Variants in ITGBL1 observed in about 807,000 individuals in gnomAD.
ITGBL1 encodes integrin beta-like protein 1.
Under a neutral mutation model 68.5 loss-of-function variants are expected in ITGBL1, and 51 were observed. That is an observed-to-expected ratio of 0.74 (90% CI 0.59 to 0.94). ITGBL1 has a LOEUF of 0.94. ITGBL1 is among the 40% of genes least tolerant of loss of function. The probability of loss-of-function intolerance (pLI) is 0.00; values close to 1 mark genes in which losing one functional copy is unlikely to be tolerated. For synonymous variants in ITGBL1, 209 were observed against 227.3 expected, an observed-to-expected ratio of 0.92 and a Z score of 0.72; for missense variants, 649 against 647.4, an observed-to-expected ratio of 1.00 and a Z score of -0.03.
chr13:101,685,435 T>C (rs1224674258), intron 7 of ITGBL1, among the ~76,000 whole-genome samples: 1 of 152,082 alleles, frequency 6.6e-6, no homozygotes, highest in East Asian at 1.9e-4. Context: ...GCATTTGTAA[T>C]TTTTAAAATC....
At chr13:101,515,312 T>C (rs928458781) in intron 2 of ITGBL1, among the ~76,000 whole-genome samples, 2 of 152,026 alleles carry the variant, frequency 1.3e-5, no homozygotes, top group Non-Finnish European at 2.9e-5. Context: ...ATATAAATAA[T>C]CCTCTATTAA....
Position 101,714,458 on chromosome 13 carries a change from T to C in ITGBL1, c.1300T>C (p.Cys434Arg), listed in dbSNP as rs1005788152. 2.5e-6 allele frequency: 4 copies of C among 1,608,388 alleles called. No homozygotes were observed. The highest frequency in any genetic ancestry group is 3.4e-6 in the Non-Finnish European group (4 of 1,174,830). ...TTCAGGTTCTTGTCATTGTGGGAAGTGCATTTGTTCTGCTGAAGAGTGGTA... is the reference window on the plus strand; with the variant it reads ...TTCAGGTTCTTGTCATTGTGGGAAGCGCATTTGTTCTGCTGAAGAGTGGTA... ...SGKGSCHCGKCICSAEEWYIS... is the reference protein window; with the variant it reads ...SGKGSCHCGKRICSAEEWYIS... The change falls in exon 10 of 11, where the codon TGC (cysteine) becomes CGC (arginine). Residue 434 changes from cysteine (C) to arginine (R), a missense_variant. Coordinates refer to ENST00000376180, the MANE Select transcript of ITGBL1 (RefSeq NM_004791.3).
chr13:101,675,614 C>T (rs1227291201), intron 7 of ITGBL1, among the ~76,000 whole-genome samples: 1 of 152,134 alleles, frequency 6.6e-6, no homozygotes, highest in Non-Finnish European at 1.5e-5. Flanking sequence ...ACATTAATTA[C>T]CACTTTAAAG....
At chr13:101,457,709 G>A (rs9557657) in intron 2 of ITGBL1, among the ~76,000 whole-genome samples, 3 of 152,064 alleles carry the variant, frequency 2.0e-5, no homozygotes, top group East Asian at 1.9e-4. Flanking sequence ...CCAGCTACTC[G>A]GGAGGCTGAG....
At chr13:101,519,045 C>T (rs1419282842) in intron 2 of ITGBL1, among the ~76,000 whole-genome samples, 1 of 152,106 alleles carries the variant, frequency 6.6e-6, no homozygotes, top group Non-Finnish European at 1.5e-5. Flanking sequence ...AGAAAATACT[C>T]CTTTTTCTAA....
chr13:101,524,167 A>G (rs943813006), intron 2 of ITGBL1, among the ~76,000 whole-genome samples: 1 of 150,544 alleles, frequency 6.6e-6, no homozygotes, highest in African/African-American at 2.4e-5. Flanking sequence ...TCTATACTGC[A>G]AGTTAAACAA....
intron 7 of ITGBL1, among the ~76,000 whole-genome samples, chr13:101,598,992 A>G (rs1467194677): frequency 6.6e-6 from 1 of 152,162 alleles, no homozygotes; most frequent in African/African-American, 2.4e-5. Context: ...CTAGTTCTAG[A>G]TCCCTGAGGA....
intron 2 of ITGBL1, among the ~76,000 whole-genome samples, chr13:101,459,741 A>C (rs2048292477): frequency 6.6e-6 from 1 of 152,228 alleles, no homozygotes; most frequent in African/African-American, 2.4e-5. Flanking sequence ...CCCTGTTTCA[A>C]ATAAATAAGA....
intron 7 of ITGBL1, among the ~76,000 whole-genome samples, chr13:101,618,070 G>A (rs2031436483): frequency 6.6e-6 from 1 of 152,076 alleles, no homozygotes; most frequent in Non-Finnish European, 1.5e-5. Flanking sequence ...AAATAATTTG[G>A]GTTGCTGCTA....
intron 7 of ITGBL1, among the ~76,000 whole-genome samples, chr13:101,662,653 C>T: frequency 6.6e-6 from 1 of 151,926 alleles, no homozygotes; most frequent in Non-Finnish European, 1.5e-5. Context: ...CTTTGATATT[C>T]TTATTAAAGT....
At chr13:101,632,097 A>T (rs2032001761) in intron 7 of ITGBL1, among the ~76,000 whole-genome samples, 1 of 152,018 alleles carries the variant, frequency 6.6e-6, no homozygotes, top group Non-Finnish European at 1.5e-5. Flanking sequence ...CTCTTAGGAG[A>T]ATGAAAAAGA....
chr13:101,666,619 T>G (rs1349935283), intron 7 of ITGBL1, among the ~76,000 whole-genome samples: 1 of 152,200 alleles, frequency 6.6e-6, no homozygotes, highest in Non-Finnish European at 1.5e-5. Context: ...GAATTTTGTT[T>G]TATTTTTGTT....
At position 101,715,917 on chromosome 13, in the gene ITGBL1, A is replaced by G. The variant is rs980411267; in HGVS notation, c.*263A>G. ...AGAGCAATTTTTCCACCCAAAAGTCATTTGGCAACATCTACAGACAATTTT... is the reference window on the plus strand; with the variant it reads ...AGAGCAATTTTTCCACCCAAAAGTCGTTTGGCAACATCTACAGACAATTTT... On this transcript the variant is annotated 3_prime_UTR_variant, in exon 11 of 11. Transcript: ENST00000376180. 1.6e-5 allele frequency: 6 copies of G among 374,100 alleles called. No homozygotes were observed. The highest frequency in any genetic ancestry group is 1.4e-4 in the South Asian group (5 of 34,954). The allele number at this position is 374,100 out of a possible 1,614,324, so 23.2% of individuals were successfully genotyped here.
intron 6 of ITGBL1, among the ~76,000 whole-genome samples, chr13:101,587,861 C>T (rs2050583776): frequency 6.6e-6 from 1 of 152,158 alleles, no homozygotes; most frequent in African/African-American, 2.4e-5. Flanking sequence ...GCAAGTACTA[C>T]CTAGATCTAA....
intron 7 of ITGBL1, among the ~76,000 whole-genome samples, chr13:101,670,000 CT>C (rs1018532984): frequency 3.3e-5 from 5 of 152,172 alleles, no homozygotes; most frequent in South Asian, 4.1e-4. Flanking sequence ...CTCCTACTGC[CT>C]TTTTTTCCCC....
At chr13:101,707,386 A>T (rs1445609877) in intron 9 of ITGBL1, among the ~76,000 whole-genome samples, 1 of 152,210 alleles carries the variant, frequency 6.6e-6, no homozygotes, top group African/African-American at 2.4e-5. Context: ...GTGTGAGAAG[A>T]CATAAAAGGA....
At chr13:101,709,051 T>C (rs1011275214) in intron 9 of ITGBL1, among the ~76,000 whole-genome samples, 5 of 151,816 alleles carry the variant, frequency 3.3e-5, no homozygotes, top group African/African-American at 1.2e-4. Context: ...GGGAAAGAAT[T>C]GGGGAGAAGG....
At chr13:101,610,269 A>G (rs2031061336) in intron 7 of ITGBL1, among the ~76,000 whole-genome samples, 1 of 152,170 alleles carries the variant, frequency 6.6e-6, no homozygotes, top group Non-Finnish European at 1.5e-5. Context: ...TATCAGCCAT[A>G]ATCTTCATAG....
chr13:101,537,277 A>G (rs2049595238), intron 2 of ITGBL1, among the ~76,000 whole-genome samples: 1 of 152,018 alleles, frequency 6.6e-6, no homozygotes, highest in Non-Finnish European at 1.5e-5. Context: ...ATTCCATCTC[A>G]TTTGAGAAGA....
Sources: gnomAD v4.1 joint callset for allele counts (sites outside exome capture counted in the v4.1 genomes callset) on GRCh38, gnomAD v4.1.1 for gene constraint, MANE v1.5 for transcripts, NCBI Gene and HGNC (gene_info 2026-07-23, HGNC 2026-07-21) for gene names.